UBE3A: variants seen among roughly 807,000 people sequenced by gnomAD.
UBE3A encodes the protein ubiquitin protein ligase E3A.
Under a neutral mutation model 83.4 loss-of-function variants are expected in UBE3A, and 6 were observed. That is an observed-to-expected ratio of 0.07 (90% confidence interval 0.04 to 0.14). The LOEUF is 0.14. UBE3A is among the 10% of genes least tolerant of loss of function. The pLI, the probability that UBE3A is intolerant of heterozygous loss-of-function variation, is 1.00. For missense variants in UBE3A, 456 were observed against 1,036.1 expected, an observed-to-expected ratio of 0.44 and a Z score of 7.69; for synonymous variants, 337 against 355.4, an observed-to-expected ratio of 0.95 and a Z score of 0.58.
In UBE3A at chr15:25,438,599, C is replaced by T. The variant is rs1895895390; in HGVS notation, c.-275G>A. On this transcript the variant is annotated 5_prime_UTR_variant, in exon 1 of 13. Transcript: ENST00000648336. ...CGTTCTCTTTCGCTGCCGCCACCGC[C>T]GGGGCTCATGCGGGACCCGCGCTTC... The T allele has an allele frequency of 6.5e-6, 1 of 153,170 alleles. No individual in the cohort carries two copies. The highest frequency in any genetic ancestry group is 6.5e-5 in the Admixed American group (1 of 15,290). The allele number at this position is 153,170 out of a possible 1,614,324, so 9.5% of individuals were successfully genotyped here. A position where few individuals can be genotyped will look rare whatever the true frequency, so the allele number is the denominator to read the frequency against.
At chr15:25,398,335 C>T (rs1238413984) in intron 4 of UBE3A, among the ~76,000 whole-genome samples, 1 of 151,984 alleles carries the variant, frequency 6.6e-6, no homozygotes. Flanking sequence ...CATTTAAAAT[C>T]TACTCTCAGT....
chr15:25,405,002 G>A (rs2088130827), intron 4 of UBE3A, among the ~76,000 whole-genome samples: 2 of 152,148 alleles, frequency 1.3e-5, no homozygotes, highest in South Asian at 4.1e-4. Flanking sequence ...TGTTACTATT[G>A]TATTTTGGAT....
intron 5 of UBE3A, among the ~76,000 whole-genome samples, chr15:25,372,079 G>A (rs1317797060): frequency 2.0e-5 from 3 of 151,914 alleles, no homozygotes; most frequent in Non-Finnish European, 4.4e-5. Flanking sequence ...AAGATCATGA[G>A]TTTAAACTTT....
chr15:25,389,030 G>C (rs2083714474), intron 4 of UBE3A, among the ~76,000 whole-genome samples: 1 of 152,194 alleles, frequency 6.6e-6, no homozygotes, highest in Non-Finnish European at 1.5e-5. Context: ...GACAGAAAAA[G>C]TCAGATGGAC....
chr15:25,369,459 G>C (rs983540368), intron 6 of UBE3A, among the ~76,000 whole-genome samples: 1 of 149,682 alleles, frequency 6.7e-6, no homozygotes, highest in Non-Finnish European at 1.5e-5. Context: ...ACAGCTTTAT[G>C]AATTCTCGAA....
intron 1 of UBE3A, chr15:25,415,589 CTG>C (rs1279031419): frequency 3.9e-5 from 6 of 152,184 alleles, no homozygotes; most frequent in Admixed American, 1.3e-4. Context: ...ATTCTAAACA[CTG>C]TATCTCACAG....
intron 4 of UBE3A, among the ~76,000 whole-genome samples, chr15:25,394,502 C>T (rs1698130101): frequency 6.6e-6 from 1 of 151,952 alleles, no homozygotes; most frequent in Admixed American, 6.6e-5. Flanking sequence ...GTTACTTGAC[C>T]CATAAATGCT....
In UBE3A at chr15:25,366,425, T is replaced by C. The variant is rs968425108; in HGVS notation, c.1608+4141A>G. On this transcript the variant is annotated intron_variant, in intron 6 of 12. Coordinates refer to ENST00000648336, the MANE Select transcript of UBE3A (RefSeq NM_130839.5). ...TGGAAGCTGGGTTAGACTAGGCTAT[T>C]AGAAACCAGATAAAAAGGGCCAGTG... 3.3e-5 allele frequency among the ~76,000 whole-genome samples: 5 copies of C among 152,290 alleles called. No individual in the cohort carries two copies. In the East Asian group the frequency reaches 9.7e-4, roughly 29 times the overall value.
chr15:25,387,139 A>G (rs2083301531), intron 4 of UBE3A, among the ~76,000 whole-genome samples: 2 of 152,244 alleles, frequency 1.3e-5, no homozygotes, highest in African/African-American at 2.4e-5. Context: ...AATTGAAAAT[A>G]TCATGAAAAC....
At chr15:25,413,167 T>G (rs75809831) in intron 1 of UBE3A, 2 of 336,460 alleles carry the variant, frequency 5.9e-6, no homozygotes, top group Non-Finnish European at 1.1e-5. Context: ...AATTTAACCA[T>G]AAGAATCCTA....
At chr15:25,398,623 T>A (rs1215317172) in intron 4 of UBE3A, among the ~76,000 whole-genome samples, 1 of 151,718 alleles carries the variant, frequency 6.6e-6, no homozygotes, top group Non-Finnish European at 1.5e-5. Flanking sequence ...CTCCTTTTTA[T>A]GGCTGAAGTA....
chr15:25,359,146 A>T (rs1264654815), intron 7 of UBE3A, among the ~76,000 whole-genome samples: 1 of 152,164 alleles, frequency 6.6e-6, no homozygotes, highest in Non-Finnish European at 1.5e-5. Context: ...CACTTCAGTT[A>T]TCTTACTGGA....
At chr15:25,342,006 T>C (rs976264788) in intron 11 of UBE3A, among the ~76,000 whole-genome samples, 7 of 152,072 alleles carry the variant, frequency 4.6e-5, no homozygotes, top group African/African-American at 1.7e-4. Flanking sequence ...TTCCCTTCCC[T>C]GCCCCTTTAC....
At chr15:25,399,805 T>C (rs1018832645) in intron 4 of UBE3A, among the ~76,000 whole-genome samples, 2 of 152,054 alleles carry the variant, frequency 1.3e-5, no homozygotes, top group African/African-American at 2.4e-5. Flanking sequence ...CTCGAACTCC[T>C]GGTTTCAAGT....
Position 25,339,371 on chromosome 15 carries a change from A to C in UBE3A, c.2499-114T>G. ...ATAGTTGAGACGGTCTGCAATGCAA[A>C]CTATACATTAATGCAAATCATAAAC... On this transcript the variant is annotated intron_variant, in intron 12 of 12. Coordinates refer to ENST00000648336, the MANE Select transcript of UBE3A (RefSeq NM_130839.5). 2.3e-6 allele frequency: 3 copies of C among 1,315,476 alleles called. No individual in the cohort carries two copies. In the South Asian group the frequency reaches 4.1e-5, roughly 18 times the overall value. The allele number at this position is 1,315,476 out of a possible 1,614,324, so 81.5% of individuals were successfully genotyped here. A position where few individuals can be genotyped will look rare whatever the true frequency, so the allele number is the denominator to read the frequency against.
Position 25,397,458 on chromosome 15 carries a change from T to A in UBE3A, c.62+8003A>T, listed in dbSNP as rs147844523. On this transcript the variant is annotated intron_variant, in intron 4 of 12. Coordinates refer to ENST00000648336, the MANE Select transcript of UBE3A (RefSeq NM_130839.5). The stretch of plus-strand genomic sequence containing the variant: ...ATCCTCCTAACCTCTTCCAGAAAGA[T>A]CTCTAGAAACCCAGAGGCTTTCTGA... 7.4e-3 allele frequency among the ~76,000 whole-genome samples: 1,129 copies of A among 152,204 alleles called. 13 individuals are homozygous for A. Among genetic ancestry groups the A allele is most frequent in the South Asian group, 0.012 (56 of 4,832 alleles).
At chr15:25,391,353 A>G (rs751919826) in intron 4 of UBE3A, among the ~76,000 whole-genome samples, 1 of 152,220 alleles carries the variant, frequency 6.6e-6, no homozygotes, top group Non-Finnish European at 1.5e-5. Flanking sequence ...AAGGGGGAAA[A>G]GAAGAGTTGT....
intron 11 of UBE3A, among the ~76,000 whole-genome samples, chr15:25,348,796 G>C (rs1476630310): frequency 3.3e-5 from 5 of 152,264 alleles, no homozygotes; most frequent in South Asian, 2.1e-4. Context: ...ACAGTGCTGA[G>C]ATAAACTAAC....
chr15:25,436,910 T>C (rs1175036295), intron 1 of UBE3A, among the ~76,000 whole-genome samples: 3 of 152,194 alleles, frequency 2.0e-5, no homozygotes, highest in Non-Finnish European at 2.9e-5. Context: ...AGCATACTAC[T>C]TAGCAAACTA....
Sources: allele counts gnomAD v4.1 joint callset (sites outside exome capture counted in the v4.1 genomes callset), GRCh38; gene constraint gnomAD v4.1.1; transcripts MANE v1.5; gene names NCBI Gene and HGNC (gene_info 2026-07-23, HGNC 2026-07-21).